The following LRP1B variants were observed in gnomAD, a reference collection of about 807,000 sequenced individuals.
LRP1B encodes the protein low-density lipoprotein receptor-related protein 1B.
Under a neutral mutation model 556.6 loss-of-function variants are expected in LRP1B, and 217 were observed. That is an observed-to-expected ratio of 0.39 (90% confidence interval 0.35 to 0.44). The LOEUF (loss-of-function observed/expected upper bound fraction) is 0.44. Ranked by LOEUF, LRP1B falls within the 20% of genes least tolerant of loss-of-function variation. LRP1B has a pLI of 1.00. For missense variants in LRP1B, 5,053 were observed against 5,620.8 expected (o/e 0.90, Z 3.23); for synonymous variants, 2,047 against 1,865.8 (o/e 1.10, Z -2.50).
At chr2:141,866,910 A>G (rs553055626) in intron 1 of LRP1B, among the ~76,000 whole-genome samples, 55 of 152,182 alleles carry the variant, frequency 3.6e-4, no homozygotes, top group African/African-American at 1.2e-3. Context: ...TAAGGGGGAA[A>G]AAAAGGAAGG....
chr2:141,646,342 A>C (rs1421064599), intron 2 of LRP1B, among the ~76,000 whole-genome samples: 1 of 152,152 alleles, frequency 6.6e-6, no homozygotes, highest in Admixed American at 6.6e-5. Context: ...AAAATTTATC[A>C]TAAAATTTGT....
intron 1 of LRP1B, among the ~76,000 whole-genome samples, chr2:141,854,126 C>A (rs1057250474): frequency 6.6e-6 from 1 of 151,992 alleles, no homozygotes; most frequent in Non-Finnish European, 1.5e-5. Context: ...ATGTTGCATT[C>A]ATGTAAACCC....
At chr2:140,829,872 A>G (rs1691654687) in intron 31 of LRP1B, among the ~76,000 whole-genome samples, 4 of 152,050 alleles carry the variant, frequency 2.6e-5, no homozygotes. Context: ...ACCTTTAGCT[A>G]GACTAATTAA....
At chr2:140,246,275 C>T (rs1159279660) in intron 87 of LRP1B, among the ~76,000 whole-genome samples, 2 of 151,408 alleles carry the variant, frequency 1.3e-5, no homozygotes, top group Admixed American at 6.6e-5. Flanking sequence ...AAGCAATCTT[C>T]CATCAAGGAT....
At chr2:140,689,775 C>A (rs1686173647) in intron 41 of LRP1B, among the ~76,000 whole-genome samples, 1 of 152,062 alleles carries the variant, frequency 6.6e-6, no homozygotes, top group South Asian at 2.1e-4. Context: ...CAGAGCCAAC[C>A]ACAGGTTTCT....
chr2:141,434,682 G>C (rs1311888672), intron 3 of LRP1B, among the ~76,000 whole-genome samples: 2 of 151,912 alleles, frequency 1.3e-5, no homozygotes, highest in Non-Finnish European at 2.9e-5. Context: ...TATATTTTTG[G>C]CTGAAAACTG....
chr2:141,987,549 G>GTTTTT (rs5834887), intron 1 of LRP1B, among the ~76,000 whole-genome samples: 7 of 139,940 alleles, frequency 5.0e-5, no homozygotes, highest in African/African-American at 5.3e-5. Context: ...GATTTAAGCT[G>GTTTTT]TTTTTTTTTT....
intron 1 of LRP1B, among the ~76,000 whole-genome samples, chr2:142,110,691 T>C (rs905043296): frequency 1.6e-4 from 25 of 152,170 alleles, no homozygotes; most frequent in African/African-American, 5.5e-4. Context: ...CATACAATTG[T>C]TAATGATTTC....
intron 1 of LRP1B, among the ~76,000 whole-genome samples, chr2:141,947,387 A>C (rs1700981403): frequency 6.6e-6 from 1 of 152,168 alleles, no homozygotes; most frequent in African/African-American, 2.4e-5. Flanking sequence ...CAGTGAGCAG[A>C]GATCACGCCA....
intron 1 of LRP1B, among the ~76,000 whole-genome samples, chr2:141,975,386 GCCT>G (rs1352447103): frequency 6.6e-6 from 1 of 151,930 alleles, no homozygotes; most frequent in Non-Finnish European, 1.5e-5. Context: ...TGGTAAATTA[GCCT>G]CCTCCTTCAT....
chr2:141,774,324 T>G (rs1694989844), intron 2 of LRP1B, among the ~76,000 whole-genome samples: 1 of 152,106 alleles, frequency 6.6e-6, no homozygotes, highest in Non-Finnish European at 1.5e-5. Context: ...GGTGAGGCCC[T>G]CCAGAAACTT....
At chr2:140,674,447 T>C (rs1685599466) in intron 41 of LRP1B, among the ~76,000 whole-genome samples, 1 of 152,220 alleles carries the variant, frequency 6.6e-6, no homozygotes, top group South Asian at 2.1e-4. Flanking sequence ...ATAAGAACCC[T>C]GGTCTCCACA....
intron 32 of LRP1B, among the ~76,000 whole-genome samples, chr2:140,794,878 A>G (rs939122628): frequency 6.6e-6 from 1 of 152,008 alleles, no homozygotes; most frequent in African/African-American, 2.4e-5. Flanking sequence ...CTCCCAAAGC[A>G]CTGGGATTAC....
intron 55 of LRP1B, among the ~76,000 whole-genome samples, chr2:140,498,508 A>G (rs1438045821): frequency 2.0e-5 from 3 of 152,002 alleles, no homozygotes; most frequent in African/African-American, 4.8e-5. Context: ...GTTTTACTGC[A>G]AACATGCAAA....
intron 1 of LRP1B, among the ~76,000 whole-genome samples, chr2:142,021,926 T>A (rs1199356950): frequency 6.6e-6 from 1 of 152,192 alleles, no homozygotes; most frequent in African/African-American, 2.4e-5. Flanking sequence ...CTTGTTAAGC[T>A]CTGGTGCCAA....
chr2:140,709,125 T>A (rs978108626), intron 37 of LRP1B, among the ~76,000 whole-genome samples: 2 of 152,068 alleles, frequency 1.3e-5, no homozygotes, highest in African/African-American at 2.4e-5. Flanking sequence ...ATTTGAGTCT[T>A]TGCCATGGAA....
intron 1 of LRP1B, among the ~76,000 whole-genome samples, chr2:142,015,742 C>T (rs1703101221): frequency 6.6e-6 from 1 of 151,900 alleles, no homozygotes; most frequent in Admixed American, 6.6e-5. Context: ...GTCTGTAATC[C>T]CAGCACTTTG....
intron 21 of LRP1B, among the ~76,000 whole-genome samples, chr2:140,913,969 G>A (rs1461834172): frequency 6.6e-6 from 1 of 152,032 alleles, no homozygotes; most frequent in African/African-American, 2.4e-5. Context: ...GGAAAGAATG[G>A]GACCTGTTCA....
chr2:141,620,286 G>C (rs1326218087), intron 2 of LRP1B, among the ~76,000 whole-genome samples: 1 of 152,196 alleles, frequency 6.6e-6, no homozygotes, highest in African/African-American at 2.4e-5. Context: ...ATTCATAAAA[G>C]GGTTGTGAAG....
Sources: allele counts gnomAD v4.1 joint callset (sites outside exome capture counted in the v4.1 genomes callset), GRCh38; gene constraint gnomAD v4.1.1; transcripts MANE v1.5; gene names NCBI Gene and HGNC (gene_info 2026-07-23, HGNC 2026-07-21).